The following ZBTB16 variants were observed in gnomAD, a reference collection of about 807,000 sequenced individuals.
The protein encoded by ZBTB16 is zinc finger and BTB domain containing 16.
Under a neutral mutation model 56.8 loss-of-function variants are expected in ZBTB16, and 8 were observed. The ratio of observed to expected loss-of-function variants is 0.14; its 90% CI spans 0.08 to 0.25. The LOEUF is 0.25. Among genes scored for constraint, ZBTB16 ranks in the 10% least tolerant of loss-of-function variants. The probability of loss-of-function intolerance (pLI) is 1.00; values close to 1 mark genes in which losing one functional copy is unlikely to be tolerated. For synonymous variants in ZBTB16, 363 were observed against 368.5 expected, an observed-to-expected ratio of 0.98 and a Z score of 0.17; for missense variants, 625 against 903.0, an observed-to-expected ratio of 0.69 and a Z score of 3.95.
chr11:114,075,677 G>A (rs2137683067), intron 2 of ZBTB16, among the ~76,000 whole-genome samples: 1 of 149,524 alleles, frequency 6.7e-6, no homozygotes, highest in East Asian at 1.9e-4. Flanking sequence ...CGCCATGTTG[G>A]CCAGGCTGGT....
chr11:114,246,814 G>GAGT (rs1944825397), intron 5 of ZBTB16: 1 of 263,844 alleles, frequency 3.8e-6, no homozygotes, highest in Non-Finnish European at 7.5e-6. Context: ...GAAGGTTGGG[G>GAGT]AGTCAGGCTG....
intron 4 of ZBTB16, chr11:114,209,606 T>TG (rs1298207387): frequency 3.8e-5 from 37 of 985,274 alleles, no homozygotes; most frequent in Non-Finnish European, 4.3e-5. Context: ...ACTGCCTCCC[T>TG]GGGGGGCTCT....
chr11:114,182,472 G>A (rs565884376), intron 3 of ZBTB16, among the ~76,000 whole-genome samples: 35 of 152,122 alleles, frequency 2.3e-4, no homozygotes, highest in African/African-American at 6.0e-4. Flanking sequence ...CAGGGATTTC[G>A]TCTCTTTTGT....
chr11:114,244,566 C>T (rs1944777652), intron 5 of ZBTB16, among the ~76,000 whole-genome samples: 1 of 152,080 alleles, frequency 6.6e-6, no homozygotes, highest in South Asian at 2.1e-4. Context: ...GAAGATTTCA[C>T]GCCAGGTGCA....
chr11:114,060,871 G>GGAGA lies in ZBTB16; in HGVS notation c.-91+991_-91+994dup, dbSNP rs1411340301. On this transcript the variant is annotated intron_variant, in intron 1 of 6. Transcript: ENST00000335953. This position sits in a 1 kb window ranked among gnomAD's most constrained non-coding sequence, Gnocchi z 6.0. ...TCCCAGGGGGTCACGGCCCTGGGTC[G>GGAGA]GAGAGGGAGGGCGGGCAGACCCCTT... Among the ~76,000 whole-genome samples, 1 of 152,094 alleles carries GGAGA rather than the reference G, an allele frequency of 6.6e-6. No individual in the cohort carries two copies. Among genetic ancestry groups the GGAGA allele is most frequent in the African/African-American group, 2.4e-5 (1 of 41,428 alleles).
intron 4 of ZBTB16, among the ~76,000 whole-genome samples, chr11:114,211,810 G>C (rs558759110): frequency 6.6e-6 from 1 of 152,066 alleles, no homozygotes; most frequent in Non-Finnish European, 1.5e-5. Context: ...TTATAAGCTC[G>C]CGATGAAAGC....
intron 2 of ZBTB16, among the ~76,000 whole-genome samples, chr11:114,127,490 C>T: frequency 6.6e-6 from 1 of 152,188 alleles, no homozygotes; most frequent in East Asian, 1.9e-4. Context: ...ACTCCCCACC[C>T]CAGTACACAC....
rs1382590797 is a variant in ZBTB16 at position 114,251,759 on chromosome 11, G to GAGC, written c.*1207_*1209dup. ...CCACAGTGGAGAGGAGGAGGAGGAGGAGCAGAAGGAGGGGGAGGAGCTGCA... is the reference window on the plus strand; with the variant it reads ...CCACAGTGGAGAGGAGGAGGAGGAGGAGCAGCAGAAGGAGGGGGAGGAGCTGCA... On this transcript the variant is annotated 3_prime_UTR_variant, in exon 7 of 7. Coordinates refer to ENST00000335953, the MANE Select transcript of ZBTB16 (RefSeq NM_006006.6). Among the ~76,000 whole-genome samples the GAGC allele has an allele frequency of 1.3e-5, 2 of 152,154 alleles. No homozygotes were observed. The highest frequency in any genetic ancestry group is 2.4e-5 in the African/African-American group (1 of 41,430).
At chr11:114,205,179 G>C (rs1474860982) in intron 4 of ZBTB16, among the ~76,000 whole-genome samples, 1 of 152,132 alleles carries the variant, frequency 6.6e-6, no homozygotes, top group Non-Finnish European at 1.5e-5. Flanking sequence ...GGAGGCCGAG[G>C]TGGGCGGATC....
chr11:114,106,396 A>T (rs1028427392), intron 2 of ZBTB16, among the ~76,000 whole-genome samples: 1 of 152,072 alleles, frequency 6.6e-6, no homozygotes, highest in African/African-American at 2.4e-5. Flanking sequence ...TAAAACCCCA[A>T]CATTTAGCTC....
chr11:114,133,260 C>T (rs892130487), intron 2 of ZBTB16, among the ~76,000 whole-genome samples: 8 of 152,092 alleles, frequency 5.3e-5, no homozygotes, highest in Non-Finnish European at 1.2e-4. Context: ...AGTGAATGCC[C>T]TAAACCAGAG....
chr11:114,135,474 A>G (rs1428782241), intron 2 of ZBTB16, among the ~76,000 whole-genome samples: 2 of 152,216 alleles, frequency 1.3e-5, no homozygotes, highest in African/African-American at 2.4e-5. Flanking sequence ...AACGGTCTTT[A>G]AATGTGGAAG....
At chr11:114,140,260 T>C (rs1340118846) in intron 2 of ZBTB16, among the ~76,000 whole-genome samples, 1 of 152,162 alleles carries the variant, frequency 6.6e-6, no homozygotes, top group African/African-American at 2.4e-5. Flanking sequence ...GCCCCCCTCC[T>C]TGGGGAGGCC....
chr11:114,145,888 G>A (rs1942084683), intron 2 of ZBTB16, among the ~76,000 whole-genome samples: 1 of 152,118 alleles, frequency 6.6e-6, no homozygotes, highest in African/African-American at 2.4e-5. Flanking sequence ...TATAGTGGAT[G>A]GTTTCTGCCT....
intron 5 of ZBTB16, among the ~76,000 whole-genome samples, chr11:114,243,986 G>C (rs1397640973): frequency 6.6e-6 from 1 of 152,206 alleles, no homozygotes; most frequent in East Asian, 1.9e-4. Flanking sequence ...GAAACACGGA[G>C]CATGTGTGCT....
intron 3 of ZBTB16, among the ~76,000 whole-genome samples, chr11:114,170,429 C>T (rs890674248): frequency 9.2e-5 from 14 of 152,174 alleles, no homozygotes; most frequent in Non-Finnish European, 1.5e-4. Context: ...GCTTGTTCAC[C>T]GCGTAGATGG....
chr11:114,154,361 C>T (rs1030701331), intron 2 of ZBTB16, among the ~76,000 whole-genome samples: 1 of 152,178 alleles, frequency 6.6e-6, no homozygotes, highest in African/African-American at 2.4e-5. Flanking sequence ...TGTTGCCATC[C>T]ACCAGATTTT....
In ZBTB16 at chr11:114,235,629, C is replaced by CCTTTCTTTCTTTCTTT. The variant is rs746433237; in HGVS notation, c.1454-6489_1454-6474dup. Among the ~76,000 whole-genome samples, 345 of 97,816 alleles carry CCTTTCTTTCTTTCTTT rather than the reference C, an allele frequency of 3.5e-3. 1 individual carries two copies. Among genetic ancestry groups the CCTTTCTTTCTTTCTTT allele is most frequent in the Middle Eastern group, 5.7e-3 (1 of 174 alleles). 64.2% of individuals were successfully genotyped at this position (97,816 alleles called of 152,430 possible). The stretch of plus-strand genomic sequence containing the variant: ...CTCTTTCTTTCTTTCCCTCTCCCTT[C>CCTTTCTTTCTTTCTTT]CTTTCTTTCTTTCTTTCTTTCTTTC... On this transcript the variant is annotated intron_variant, in intron 4 of 6. Transcript: ENST00000335953.
rs994540115 is a variant in ZBTB16, at chr11:114,251,003, C to G, written c.*448C>G. 1.3e-5 allele frequency among the ~76,000 whole-genome samples: 2 copies of G among 152,132 alleles called. No individual in the cohort carries two copies. The highest frequency in any genetic ancestry group is 1.3e-4 in the Admixed American group (2 of 15,280). On this transcript the variant is annotated 3_prime_UTR_variant, in exon 7 of 7. Coordinates refer to ENST00000335953, the MANE Select transcript of ZBTB16 (RefSeq NM_006006.6). The stretch of plus-strand genomic sequence containing the variant: ...AGGAGGTGAGCCAGAAGGGCGCTCC[C>G]CTGCTGATGGGTCTGGGCTGGGTCA...
Sources: gnomAD v4.1 joint callset for allele counts (sites outside exome capture counted in the v4.1 genomes callset) on GRCh38, gnomAD v4.1.1 for gene constraint, Gnocchi (gnomAD v3.1) non-coding constraint, MANE v1.5 for transcripts, NCBI Gene and HGNC (gene_info 2026-07-23, HGNC 2026-07-21) for gene names.